The following DAGLB variants were observed in gnomAD, a reference collection of about 807,000 sequenced individuals.
DAGLB encodes the protein diacylglycerol lipase-beta.
Under a neutral mutation model 72.1 loss-of-function variants are expected in DAGLB, and 66 were observed. The observed-to-expected ratio is 0.92, with a 90% confidence interval of 0.75 to 1.12. The LOEUF (loss-of-function observed/expected upper bound fraction) is 1.12, where lower values mean the gene tolerates loss of function less well. Among genes scored for constraint, DAGLB ranks in the 50% most tolerant of loss-of-function variants. The pLI is 0.00. For missense variants in DAGLB, 1,065 were observed against 884.9 expected (o/e 1.20, Z -2.58); for synonymous variants, 414 against 359.5 (o/e 1.15, Z -1.71).
chr7:6,432,692 G>C (rs1235041221), intron 5 of DAGLB, 145 bp downstream of exon 5: 2 of 1,041,452 alleles, frequency 1.9e-6, no homozygotes, highest in Non-Finnish European at 2.6e-6. Context: ...GGAGAGGGGA[G>C]GGAAGGGGAG....
Position 6,409,916 on chromosome 7 carries a change from G to GC in DAGLB, c.1939dup (p.Ala647GlyfsTer47). 6.2e-7 allele frequency: 1 copy of GC among 1,614,148 alleles called. No homozygotes were observed. The highest frequency in any genetic ancestry group is 8.5e-7 in the Non-Finnish European group (1 of 1,180,048). On this transcript the variant is annotated frameshift_variant, in exon 15 of 15. Transcript: ENST00000297056. LOFTEE classifies it low-confidence loss of function (END_TRUNC). ...TCTGTCGGAGACCACGCTGTCCAAG[G>GC]CCCGCATCAGGATGTCTGGCATGTG...
intron 1 of DAGLB, among the ~76,000 whole-genome samples, chr7:6,446,618 A>G (rs1013448922): frequency 6.6e-6 from 1 of 151,378 alleles, no homozygotes; most frequent in African/African-American, 2.4e-5. Context: ...CTGGTCTTGA[A>G]CTCCTGGCTT....
At chr7:6,440,974 G>C (rs930904325) in intron 2 of DAGLB, among the ~76,000 whole-genome samples, 1 of 150,932 alleles carries the variant, frequency 6.6e-6, no homozygotes, top group Non-Finnish European at 1.5e-5. Context: ...TTTTTTTTGA[G>C]GGGGGGACGG....
intron 8 of DAGLB, 169 bp from the exon 9 acceptor site, chr7:6,421,973 G>A (rs1415486981): frequency 2.7e-6 from 2 of 752,780 alleles, no homozygotes; most frequent in Non-Finnish European, 4.6e-6. Flanking sequence ...CCCAGCGGTG[G>A]CTCCTGAGGG....
chr7:6,445,034 G>A (rs1237393622), intron 2 of DAGLB, among the ~76,000 whole-genome samples: 2 of 152,170 alleles, frequency 1.3e-5, no homozygotes, highest in African/African-American at 4.8e-5. Context: ...ACTGCTGGTG[G>A]GAATGTAAAA....
At chr7:6,429,687 G>T (rs1415373757) in intron 6 of DAGLB, among the ~76,000 whole-genome samples, 1 of 152,048 alleles carries the variant, frequency 6.6e-6, no homozygotes, top group Admixed American at 6.6e-5. Flanking sequence ...TGAACCACAA[G>T]GTCAGGAGTT....
At chr7:6,445,162 TA>T (rs1784957676) in intron 2 of DAGLB, among the ~76,000 whole-genome samples, 1 of 152,202 alleles carries the variant, frequency 6.6e-6, no homozygotes, top group South Asian at 2.1e-4. Flanking sequence ...CATGTCTGTA[TA>T]AACACTTGTA....
chr7:6,426,549 C>T (rs545394598), intron 6 of DAGLB, among the ~76,000 whole-genome samples: 4 of 152,284 alleles, frequency 2.6e-5, no homozygotes, highest in East Asian at 3.9e-4. Flanking sequence ...GGATTATAAG[C>T]GTGAGCCACT....
rs755789481 is a variant in DAGLB at position 6,446,066 on chromosome 7, CCT to C, written c.132_133del (p.Gly45LysfsTer42). 1 of 1,610,974 alleles carries C rather than the reference CCT, an allele frequency of 6.2e-7. No homozygotes were observed. The highest frequency in any genetic ancestry group is 1.1e-5 in the South Asian group (1 of 90,762). The stretch of plus-strand genomic sequence containing the variant: ...GGCTCCACCAGCACAGTCCAGCTTT[CCT>C]CTGTGCATGAGATACAACGTCAGAA... On this transcript the variant is annotated frameshift_variant, in exon 2 of 15. Coordinates refer to ENST00000297056, the MANE Select transcript of DAGLB (RefSeq NM_139179.4). LOFTEE classifies it high-confidence loss of function.
chr7:6,443,136 T>G (rs922811922), intron 2 of DAGLB, among the ~76,000 whole-genome samples: 1 of 137,444 alleles, frequency 7.3e-6, no homozygotes, highest in Non-Finnish European at 1.5e-5. Flanking sequence ...TGAGCCGAGA[T>G]AGAGATAGTG....
intron 1 of DAGLB, among the ~76,000 whole-genome samples, chr7:6,446,765 T>A (rs1371245988): frequency 2.0e-5 from 3 of 151,504 alleles, no homozygotes; most frequent in African/African-American, 7.3e-5. Flanking sequence ...TCCTAGCACT[T>A]TGGGAGGCCA....
chr7:6,417,981 C>T (rs960507086), intron 9 of DAGLB, among the ~76,000 whole-genome samples: 1 of 152,108 alleles, frequency 6.6e-6, no homozygotes, highest in African/African-American at 2.4e-5. Context: ...AGCAATTCTC[C>T]TGCCTCAGCC....
Position 6,434,957 on chromosome 7 carries a change from T to G in DAGLB, c.483A>C (p.Lys161Asn), listed in dbSNP as rs748850125. 2 of 1,613,898 alleles carry G rather than the reference T, an allele frequency of 1.2e-6. No individual in the cohort carries two copies. The highest frequency in any genetic ancestry group is 2.2e-5 in the South Asian group (2 of 91,060). ...GGCCGGCAGAGGAATATGGAGCCAT[T>G]TTCCCCCCAAGAGGGTCAAAGACAA... Reference protein sequence around the residue: ...IIIVFDPLGGKMAPYSSAGPS... With the variant: ...IIIVFDPLGGNMAPYSSAGPS... Residue 161 changes from lysine to asparagine, a missense_variant, in exon 4 of 15, where the codon AAA becomes AAC. Lys to Asn is a moderately conservative substitution (Grantham distance 94). Transcript: ENST00000297056.
At chr7:6,426,452 T>C (rs1359143972) in intron 6 of DAGLB, among the ~76,000 whole-genome samples, 1 of 152,212 alleles carries the variant, frequency 6.6e-6, no homozygotes, top group Non-Finnish European at 1.5e-5. Context: ...GTATTTTCAG[T>C]ACAGATAGAG....
chr7:6,427,834 C>G (rs996784625), intron 6 of DAGLB, among the ~76,000 whole-genome samples: 2 of 152,058 alleles, frequency 1.3e-5, no homozygotes, highest in African/African-American at 4.8e-5. Context: ...ATGATGGGGT[C>G]ATATGAAAAG....
intron 9 of DAGLB, among the ~76,000 whole-genome samples, chr7:6,419,212 G>C (rs1046887139): frequency 6.6e-6 from 1 of 151,802 alleles, no homozygotes; most frequent in Admixed American, 6.6e-5. Context: ...AGTAGAGATG[G>C]GGTTTTACCG....
At position 6,421,833 on chromosome 7, in the gene DAGLB, G is replaced by A. The variant is rs371647449; in HGVS notation, c.1141-29C>T. On this transcript the variant is annotated intron_variant, in intron 8 of 14. Coordinates refer to ENST00000297056, the MANE Select transcript of DAGLB (RefSeq NM_139179.4). ...TAAAAAGGGCGTTGCAGAAGCGGCCGTCAGCCTGTGATGGGCAGGGTGGGA... is the reference window on the plus strand; with the variant it reads ...TAAAAAGGGCGTTGCAGAAGCGGCCATCAGCCTGTGATGGGCAGGGTGGGA... 4.5e-5 allele frequency: 72 copies of A among 1,608,456 alleles called. 1 individual carries two copies. Among genetic ancestry groups the A allele is most frequent in the South Asian group, 2.9e-4 (26 of 90,984 alleles).
At chr7:6,428,482 G>T (rs148343526) in intron 6 of DAGLB, among the ~76,000 whole-genome samples, 2 of 148,130 alleles carry the variant, frequency 1.4e-5, no homozygotes, top group African/African-American at 2.4e-5. Context: ...TTTTGTTTTG[G>T]TTTCTTTTTT....
chr7:6,426,263 A>G, intron 6 of DAGLB, 149 bp from the exon 7 acceptor site: 1 of 1,134,980 alleles, frequency 8.8e-7, no homozygotes, highest in Non-Finnish European at 1.2e-6. Context: ...GCTTTTTAAA[A>G]CTTAATTTGA....
Sources: gnomAD v4.1 joint callset for allele counts (sites outside exome capture counted in the v4.1 genomes callset) on GRCh38, gnomAD v4.1.1 for gene constraint, MANE v1.5 for transcripts, NCBI Gene and HGNC (gene_info 2026-07-23, HGNC 2026-07-21) for gene names.